Variants in CLSTN2 observed in about 807,000 individuals in gnomAD.
CLSTN2 encodes the protein calsyntenin 2, also known as calsyntenin-2.
CLSTN2 carries 48 observed loss-of-function variants against 101.2 expected under a neutral mutation model. That is an observed-to-expected ratio of 0.47 (90% CI 0.38 to 0.60). The LOEUF (loss-of-function observed/expected upper bound fraction) is 0.60, where lower values mean the gene tolerates loss of function less well. CLSTN2 is among the 20% of genes least tolerant of loss of function. The pLI is 0.00. For missense variants in CLSTN2, 1,160 were observed against 1,238.2 expected (o/e 0.94, Z 0.95); for synonymous variants, 481 against 463.6 (o/e 1.04, Z -0.48).
rs555457118 is a variant in CLSTN2, at chr3:140,566,312, T to A, written c.*59T>A. 6.8e-7 allele frequency: 1 copy of A among 1,480,902 alleles called. No homozygotes were observed. Among genetic ancestry groups the A allele is most frequent in the Non-Finnish European group, 9.2e-7 (1 of 1,085,014 alleles). The allele number at this position is 1,480,902 out of a possible 1,614,324, so 91.7% of individuals were successfully genotyped here. A position where few individuals can be genotyped will look rare whatever the true frequency, so the allele number is the denominator to read the frequency against. On this transcript the variant is annotated 3_prime_UTR_variant, in exon 17 of 17. Coordinates refer to ENST00000458420, the MANE Select transcript of CLSTN2 (RefSeq NM_022131.3). ...CTTTTGTAAACCCTGACCCAGTGTA[T>A]GCCCATGTCTATCATACCTCACCTC...
intron 2 of CLSTN2, among the ~76,000 whole-genome samples, chr3:140,262,011 G>A (rs916393119): frequency 6.6e-6 from 1 of 152,136 alleles, no homozygotes; most frequent in African/African-American, 2.4e-5. Context: ...GCCATAAAAA[G>A]TACAGATTTT....
intron 2 of CLSTN2, among the ~76,000 whole-genome samples, chr3:140,198,145 G>C (rs1326029421): frequency 6.6e-6 from 1 of 152,116 alleles, no homozygotes; most frequent in Non-Finnish European, 1.5e-5. Context: ...ATATCATACT[G>C]TATCTGGGCC....
At chr3:140,459,852 C>A in intron 7 of CLSTN2, 83 bp downstream of exon 7, 2 of 1,479,080 alleles carry the variant, frequency 1.4e-6, no homozygotes, top group East Asian at 2.3e-5. Flanking sequence ...TGGACACAGC[C>A]AAGGAGGATG....
intron 1 of CLSTN2, among the ~76,000 whole-genome samples, chr3:140,011,653 A>G (rs1229571299): frequency 6.6e-6 from 1 of 151,922 alleles, no homozygotes; most frequent in African/African-American, 2.4e-5. Context: ...CTCACAACTC[A>G]CCTCAGGGCT....
At chr3:140,361,112 A>G (rs1311257538) in intron 2 of CLSTN2, among the ~76,000 whole-genome samples, 2 of 152,206 alleles carry the variant, frequency 1.3e-5, no homozygotes, top group African/African-American at 4.8e-5. Flanking sequence ...TCAGTGAAAT[A>G]TTGACAAATC....
chr3:140,323,681 G>T lies in CLSTN2; in HGVS notation c.233-79948G>T, dbSNP rs145084907. Among the ~76,000 whole-genome samples, 98 of 152,312 alleles carry T rather than the reference G, an allele frequency of 6.4e-4. 1 individual carries two copies. The highest frequency in any genetic ancestry group is 4.9e-3 in the Admixed American group (75 of 15,304). ...TATGTAATATATTTTATAAATGGTA[G>T]TCATTATTATGGTATGTCTTGGTTT... On this transcript the variant is annotated intron_variant, in intron 2 of 16. Transcript: ENST00000458420.
chr3:140,470,668 T>G (rs1252822701), intron 8 of CLSTN2, among the ~76,000 whole-genome samples: 1 of 152,200 alleles, frequency 6.6e-6, no homozygotes, highest in Admixed American at 6.5e-5. Context: ...GGGCCATAAT[T>G]GAAACATCTA....
chr3:140,248,961 AG>A (rs1259141643), intron 2 of CLSTN2, among the ~76,000 whole-genome samples: 1 of 152,200 alleles, frequency 6.6e-6, no homozygotes, highest in Non-Finnish European at 1.5e-5. Flanking sequence ...GGGATCTCTT[AG>A]CACTGACACA....
chr3:140,564,339 C>A (rs2107795272), intron 16 of CLSTN2, among the ~76,000 whole-genome samples, 194 bp downstream of exon 16: 1 of 152,302 alleles, frequency 6.6e-6, no homozygotes, highest in African/African-American at 2.4e-5. Context: ...ACCTTCCCAC[C>A]AACTACATTC....
At chr3:140,187,260 C>A (rs771326510) in intron 2 of CLSTN2, among the ~76,000 whole-genome samples, 1 of 152,144 alleles carries the variant, frequency 6.6e-6, no homozygotes, top group Non-Finnish European at 1.5e-5. Flanking sequence ...TCATATGTAG[C>A]AGGCTGGCCA....
chr3:139,942,125 G>A (rs902562257), intron 1 of CLSTN2, among the ~76,000 whole-genome samples: 1 of 152,178 alleles, frequency 6.6e-6, no homozygotes, highest in East Asian at 1.9e-4. Context: ...TCTGAGTGAG[G>A]TCAGAGAGGC....
intron 2 of CLSTN2, among the ~76,000 whole-genome samples, chr3:140,345,600 A>ATT (rs35828839): frequency 0.019 from 2,302 of 121,062 alleles, 64 homozygotes; most frequent in African/African-American, 0.064. Context: ...TATGTGTGGA[A>ATT]TTTTTTTTTT....
chr3:140,410,590 C>T (rs2088352897), intron 4 of CLSTN2, among the ~76,000 whole-genome samples: 1 of 151,988 alleles, frequency 6.6e-6, no homozygotes. Context: ...AAAGGATGCT[C>T]CTTGTTAATA....
intron 1 of CLSTN2, among the ~76,000 whole-genome samples, chr3:140,083,724 A>G (rs2008635153): frequency 6.6e-6 from 1 of 152,138 alleles, no homozygotes. Flanking sequence ...CTTTTATCCC[A>G]CCTGTGCTGG....
rs568739257 is a variant in CLSTN2 at position 140,535,696 on chromosome 3, G to T, written c.1507+3210G>T. 4.6e-5 allele frequency among the ~76,000 whole-genome samples: 7 copies of T among 152,346 alleles called. No homozygotes were observed. In the East Asian group the frequency reaches 1.3e-3, roughly 29 times the overall value. ...CAAGGAGGCCCTTTATACACATGGG[G>T]TGTTCACAGTTCTGAAATAAAATGT... On this transcript the variant is annotated intron_variant, in intron 9 of 16. Transcript: ENST00000458420.
intron 2 of CLSTN2, among the ~76,000 whole-genome samples, chr3:140,216,274 T>C (rs894957887): frequency 6.6e-6 from 1 of 150,594 alleles, no homozygotes; most frequent in Non-Finnish European, 1.5e-5. Flanking sequence ...GCCCAAAACA[T>C]TGGCGACCAC....
At chr3:139,979,061 C>A (rs1448913554) in intron 1 of CLSTN2, among the ~76,000 whole-genome samples, 3 of 152,122 alleles carry the variant, frequency 2.0e-5, no homozygotes, top group African/African-American at 7.2e-5. Context: ...CTTGTACATG[C>A]CCCAGAATGT....
At chr3:139,937,776 A>G (rs545127068) in intron 1 of CLSTN2, among the ~76,000 whole-genome samples, 18 of 151,986 alleles carry the variant, frequency 1.2e-4, no homozygotes, top group Non-Finnish European at 2.1e-4. Context: ...CAAACTAGAC[A>G]TTTGTTTTTC....
At position 140,386,406 on chromosome 3, in the gene CLSTN2, A is replaced by T. The variant is rs187322413; in HGVS notation, c.233-17223A>T. Among the ~76,000 whole-genome samples the T allele has an allele frequency of 2.6e-5, 4 of 152,346 alleles. No individual in the cohort carries two copies. In the East Asian group the frequency reaches 7.7e-4, roughly 29 times the overall value. On this transcript the variant is annotated intron_variant, in intron 2 of 16. Transcript: ENST00000458420. ...TCCAATGGGAGTGGATGGATAGGCA[A>T]TGGCTGAAATAACACTTGAGGGGCT...
Sources: allele counts gnomAD v4.1 joint callset (sites outside exome capture counted in the v4.1 genomes callset), GRCh38; gene constraint gnomAD v4.1.1; transcripts MANE v1.5; gene names NCBI Gene and HGNC (gene_info 2026-07-23, HGNC 2026-07-21).